Variants in COP1 observed in about 807,000 individuals in gnomAD.
COP1 encodes the protein E3 ubiquitin-protein ligase COP1.
COP1 carries 24 observed loss-of-function variants against 101.3 expected under a neutral mutation model. The observed-to-expected ratio is 0.24, with a 90% CI of 0.17 to 0.33. The LOEUF (loss-of-function observed/expected upper bound fraction) is 0.33. Among genes scored for constraint, COP1 ranks in the 10% least tolerant of loss-of-function variants. COP1 has a pLI of 1.00. For missense variants in COP1, 663 were observed against 906.2 expected (o/e 0.73, Z 3.45); for synonymous variants, 347 against 341.9 (o/e 1.01, Z -0.17).
At position 176,023,599 on chromosome 1, in the gene COP1, T is replaced by C. The variant is rs572060854; in HGVS notation, c.1729+3973A>G. Among the ~76,000 whole-genome samples, 11 of 151,488 alleles carry C rather than the reference T, an allele frequency of 7.3e-5. No homozygotes were observed. In the South Asian group the frequency reaches 2.3e-3, roughly 32 times the overall value. ...TGGGAGTGGTGGCATATGCCTGTAATCCCAGCTACTTGGGAGGCTGAGGCA... is the reference window on the plus strand; with the variant it reads ...TGGGAGTGGTGGCATATGCCTGTAACCCCAGCTACTTGGGAGGCTGAGGCA... On this transcript the variant is annotated intron_variant, in intron 15 of 19. Coordinates refer to ENST00000367669, the MANE Select transcript of COP1 (RefSeq NM_022457.7).
rs890845368 is a variant in COP1 at position 176,163,333 on chromosome 1, A to G, written c.643-345T>C. Among the ~76,000 whole-genome samples the G allele has an allele frequency of 3.9e-5, 6 of 152,322 alleles. No homozygotes were observed. In the East Asian group the frequency reaches 1.2e-3, roughly 29 times the overall value. On this transcript the variant is annotated intron_variant, in intron 4 of 19. Coordinates refer to ENST00000367669, the MANE Select transcript of COP1 (RefSeq NM_022457.7). The stretch of plus-strand genomic sequence containing the variant: ...TAAGGTATTAAGCTCATTTGCCTCC[A>G]TAATTTGGGACTAAGCCTTTAAAAT...
chr1:175,990,519 A>T lies in COP1; in HGVS notation c.1730-1040T>A, dbSNP rs139300663. On this transcript the variant is annotated intron_variant, in intron 15 of 19. Coordinates refer to ENST00000367669, the MANE Select transcript of COP1 (RefSeq NM_022457.7). ...TATGTCAGATTGACAATGTTATTCA[A>T]GTCTTCTAAAACTCTGCCAATTTTC... Among the ~76,000 whole-genome samples the T allele has an allele frequency of 2.6e-3, 399 of 152,246 alleles. 3 individuals carry two copies. Among genetic ancestry groups the T allele is most frequent in the African/African-American group, 9.2e-3 (381 of 41,566 alleles).
chr1:176,030,444 C>T (rs1014245009), intron 14 of COP1, among the ~76,000 whole-genome samples: 1 of 152,092 alleles, frequency 6.6e-6, no homozygotes, highest in Non-Finnish European at 1.5e-5. Flanking sequence ...CCTTTACAAA[C>T]AAGCATTATG....
intron 1 of COP1, among the ~76,000 whole-genome samples, chr1:176,187,402 CGTGTGTGT>C (rs35205766): frequency 2.2e-4 from 33 of 149,222 alleles, no homozygotes; most frequent in East Asian, 1.8e-3. Flanking sequence ...TATAAATATA[CGTGTGTGT>C]GTGTGTGTGT....
intron 15 of COP1, among the ~76,000 whole-genome samples, chr1:175,999,208 T>C (rs1370624489): frequency 6.6e-6 from 1 of 152,130 alleles, no homozygotes; most frequent in Non-Finnish European, 1.5e-5. Flanking sequence ...TTACTCATTC[T>C]GTGTATTTTT....
chr1:176,131,598 G>A (rs1191380327), intron 8 of COP1, among the ~76,000 whole-genome samples: 2 of 151,640 alleles, frequency 1.3e-5, no homozygotes, highest in African/African-American at 4.8e-5. Flanking sequence ...TGAGGAATAA[G>A]AACAAAAACT....
At chr1:176,092,974 A>G (rs1240439838) in intron 9 of COP1, among the ~76,000 whole-genome samples, 16 of 152,216 alleles carry the variant, frequency 1.1e-4, no homozygotes, top group Admixed American at 1.0e-3. Context: ...GAAAAATTGT[A>G]GTATAGTAAC....
intron 11 of COP1, among the ~76,000 whole-genome samples, chr1:176,076,168 C>G (rs948605950): frequency 2.6e-5 from 4 of 151,938 alleles, no homozygotes; most frequent in Admixed American, 6.6e-5. Flanking sequence ...ACAGAATATA[C>G]AAACTCCTCA....
chr1:176,123,745 T>C (rs1687533243), intron 8 of COP1, among the ~76,000 whole-genome samples: 1 of 152,156 alleles, frequency 6.6e-6, no homozygotes, highest in Non-Finnish European at 1.5e-5. Context: ...GCACAAAACA[T>C]GAAATATGCA....
At chr1:176,144,890 A>C (rs1691323765) in intron 6 of COP1, among the ~76,000 whole-genome samples, 1 of 152,166 alleles carries the variant, frequency 6.6e-6, no homozygotes, top group Non-Finnish European at 1.5e-5. Context: ...CTAAATATGA[A>C]AGATAAAAGA....
intron 18 of COP1, among the ~76,000 whole-genome samples, chr1:175,974,360 A>C (rs548964423): frequency 6.6e-6 from 1 of 152,344 alleles, no homozygotes; most frequent in Non-Finnish European, 1.5e-5. Flanking sequence ...CTGTGCTTAA[A>C]ATTTTAGAAA....
intron 9 of COP1, among the ~76,000 whole-genome samples, chr1:176,107,991 C>A (rs1476958738): frequency 6.7e-6 from 1 of 149,426 alleles, no homozygotes; most frequent in Non-Finnish European, 1.5e-5. Flanking sequence ...AGAGACATGA[C>A]AAATAAATGC....
chr1:176,085,038 A>G (rs1679887009), intron 10 of COP1, among the ~76,000 whole-genome samples: 1 of 152,220 alleles, frequency 6.6e-6, no homozygotes, highest in South Asian at 2.1e-4. Context: ...ACTGAAGAAC[A>G]GAGTTAAGAA....
At chr1:176,040,198 A>T (rs1483500421) in intron 14 of COP1, among the ~76,000 whole-genome samples, 1 of 152,152 alleles carries the variant, frequency 6.6e-6, no homozygotes, top group East Asian at 1.9e-4. Context: ...CTAATTTAGA[A>T]ATTCAAGGAC....
intron 18 of COP1, 70 bp downstream of exon 18, chr1:175,986,873 A>T: frequency 8.4e-7 from 1 of 1,194,954 alleles, no homozygotes; most frequent in Non-Finnish European, 1.2e-6. Flanking sequence ...TTTAAAATTT[A>T]ATCAAACCCT....
chr1:176,147,684 G>A (rs1009461546), intron 6 of COP1, among the ~76,000 whole-genome samples: 6 of 152,086 alleles, frequency 3.9e-5, no homozygotes, highest in African/African-American at 9.7e-5. Flanking sequence ...GTTTAATAAC[G>A]GAAATATAAA....
chr1:176,122,739 T>C (rs193280788), intron 8 of COP1, among the ~76,000 whole-genome samples: 4 of 152,294 alleles, frequency 2.6e-5, no homozygotes, highest in Admixed American at 2.0e-4. Flanking sequence ...TATTACATAA[T>C]AATTCTGAAA....
intron 15 of COP1, among the ~76,000 whole-genome samples, chr1:176,001,495 T>A (rs1661586621): frequency 6.6e-6 from 1 of 152,140 alleles, no homozygotes. Context: ...GTTGATATAC[T>A]ACAGTGATGT....
intron 1 of COP1, among the ~76,000 whole-genome samples, chr1:176,197,397 G>C (rs1309761203): frequency 6.6e-6 from 1 of 152,106 alleles, no homozygotes; most frequent in Admixed American, 6.5e-5. Flanking sequence ...GCTTGGGCGA[G>C]ACAGCAAGAC....
Sources: allele counts gnomAD v4.1 joint callset (sites outside exome capture counted in the v4.1 genomes callset), GRCh38; gene constraint gnomAD v4.1.1; transcripts MANE v1.5; gene names NCBI Gene and HGNC (gene_info 2026-07-23, HGNC 2026-07-21).